Variants in ALOX5 observed in about 807,000 individuals in gnomAD.
ALOX5 encodes the protein arachidonate 5-lipoxygenase, also known as polyunsaturated fatty acid 5-lipoxygenase.
A neutral mutation model predicts 87.9 loss-of-function variants in ALOX5; 64 were observed. That is an observed-to-expected ratio of 0.73 (90% CI 0.60 to 0.90). The LOEUF is 0.90. Ranked by LOEUF, ALOX5 falls within the 40% of genes least tolerant of loss-of-function variation. The pLI is 0.00. For missense variants in ALOX5, 822 were observed against 907.5 expected (o/e 0.91, Z 1.21); for synonymous variants, 388 against 355.1 (o/e 1.09, Z -1.04).
At chr10:45,432,357 CT>C (rs1329099413) in intron 7 of ALOX5, among the ~76,000 whole-genome samples, 1 of 140,840 alleles carries the variant, frequency 7.1e-6, no homozygotes, top group Non-Finnish European at 1.5e-5. Context: ...AAGACCCTAT[CT>C]TTAAAAAAAA....
chr10:45,411,231 G>A (rs1841051845), intron 3 of ALOX5, among the ~76,000 whole-genome samples: 1 of 152,172 alleles, frequency 6.6e-6, no homozygotes, highest in African/African-American at 2.4e-5. Flanking sequence ...TCTTAGTTTT[G>A]TTGGGTTTTG....
chr10:45,406,910 C>T (rs1039983255), intron 3 of ALOX5, among the ~76,000 whole-genome samples: 1 of 152,114 alleles, frequency 6.6e-6, no homozygotes, highest in African/African-American at 2.4e-5. Context: ...ATGAACATCC[C>T]TCTCATATTT....
intron 3 of ALOX5, among the ~76,000 whole-genome samples, chr10:45,410,766 T>C (rs1841036582): frequency 6.6e-6 from 1 of 152,136 alleles, no homozygotes; most frequent in African/African-American, 2.4e-5. Flanking sequence ...TCATTCTCCC[T>C]CCCCAAAGAA....
chr10:45,433,528 G>A (rs577849770), intron 7 of ALOX5, among the ~76,000 whole-genome samples: 7 of 152,310 alleles, frequency 4.6e-5, no homozygotes, highest in East Asian at 1.9e-4. Context: ...TCTTAAGACC[G>A]GAACTCCCTG....
chr10:45,444,035 C>T, intron 12 of ALOX5, 81 bp from the exon 13 acceptor site: 1 of 1,468,064 alleles, frequency 6.8e-7, no homozygotes, highest in Non-Finnish European at 9.0e-7. Flanking sequence ...AGTTGGGGGG[C>T]ACGGGGAGGA....
In ALOX5 at chr10:45,425,379, AT is replaced by A. The variant is rs1263643875; in HGVS notation, c.834+248del. Among the ~76,000 whole-genome samples, 3 of 152,166 alleles carry A rather than the reference AT, an allele frequency of 2.0e-5. No individual in the cohort carries two copies. Among genetic ancestry groups the A allele is most frequent in the Admixed American group, 6.5e-5 (1 of 15,286 alleles). The stretch of plus-strand genomic sequence containing the variant: ...CATGATGCTCGAGTCTGGGAACATA[AT>A]GTCAATATTTTCACTATCAGTATCA... On this transcript the variant is annotated intron_variant, in intron 6 of 13. Transcript: ENST00000374391. The surrounding 1 kb of genome is among the most constrained non-coding windows in gnomAD (Gnocchi z 4.4).
In ALOX5 at chr10:45,418,836, G is replaced by A. The variant is rs375935930; in HGVS notation, c.555-5205G>A. 6.6e-5 allele frequency among the ~76,000 whole-genome samples: 10 copies of A among 152,248 alleles called. No individual in the cohort carries two copies. In the East Asian group the frequency reaches 9.6e-4, roughly 15 times the overall value. ...GTTTGCAGCCTGGAAGACGATTGCA[G>A]GGGGTGGCAGGGCTGAAAAGACAAT... On this transcript the variant is annotated intron_variant, in intron 4 of 13. Transcript: ENST00000374391.
Position 45,440,293 on chromosome 10 carries a change from C to T in ALOX5, c.982-137C>T, listed in dbSNP as rs1004801305. 4 of 917,768 alleles carry T rather than the reference C, an allele frequency of 4.4e-6. No individual in the cohort carries two copies. The African/African-American group carries it at 5.0e-5, about 11-fold the overall frequency. The allele number at this position is 917,768 out of a possible 1,614,324, so 56.9% of individuals were successfully genotyped here. On this transcript the variant is annotated intron_variant, in intron 7 of 13. Transcript: ENST00000374391. The stretch of plus-strand genomic sequence containing the variant: ...ATACCACCGCAGGGCCCTTTACCCC[C>T]TCCAGGCTCTTCTGATTCCAAAGTC...
intron 3 of ALOX5, among the ~76,000 whole-genome samples, chr10:45,408,585 C>T (rs182113637): frequency 2.1e-4 from 32 of 152,054 alleles, no homozygotes; most frequent in African/African-American, 7.0e-4. Context: ...AGAGTCTGTT[C>T]TAATGGGCTT....
chr10:45,375,339 T>A (rs77827771), intron 1 of ALOX5, among the ~76,000 whole-genome samples: 4,163 of 152,214 alleles, frequency 0.027, 210 homozygotes, highest in African/African-American at 0.095. Flanking sequence ...AGGTCGCAGT[T>A]CTCACTGAGC....
At chr10:45,407,053 T>C (rs540780844) in intron 3 of ALOX5, among the ~76,000 whole-genome samples, 16 of 152,338 alleles carry the variant, frequency 1.1e-4, no homozygotes, top group Admixed American at 1.0e-3. Flanking sequence ...CCTCAGAAGG[T>C]CCATGTGTAG....
At position 45,440,507 on chromosome 10, in the gene ALOX5, C is replaced by T; in HGVS notation, c.1059C>T (p.Ile353=). 1 of 1,614,260 alleles carries T rather than the reference C, an allele frequency of 6.2e-7. No homozygotes were observed. The highest frequency in any genetic ancestry group is 8.5e-7 in the Non-Finnish European group (1 of 1,180,044). The change falls in exon 8 of 14, where the codon ATC becomes ATT. Residue 353 remains isoleucine (I), a synonymous_variant. Coordinates refer to ENST00000374391, the MANE Select transcript of ALOX5 (RefSeq NM_000698.5). ...DAKYDWLLAK[I]WVRSSDFHVH... ...AATACGACTGGCTTTTGGCCAAAAT[C>T]TGGGTGCGTTCCAGTGACTTCCACG...
chr10:45,384,966 C>T (rs1839963527), intron 2 of ALOX5, among the ~76,000 whole-genome samples: 1 of 152,070 alleles, frequency 6.6e-6, no homozygotes, highest in Non-Finnish European at 1.5e-5. Context: ...CCTCAGCCTC[C>T]TAGGGAGCTT....
chr10:45,404,660 C>T (rs560446041), intron 3 of ALOX5, among the ~76,000 whole-genome samples: 2 of 152,330 alleles, frequency 1.3e-5, no homozygotes, highest in East Asian at 3.9e-4. Context: ...ATAACCCATG[C>T]GCTCGTCCGC....
intron 1 of ALOX5, among the ~76,000 whole-genome samples, chr10:45,375,651 A>G (rs911859856): frequency 6.6e-6 from 1 of 152,260 alleles, no homozygotes; most frequent in Non-Finnish European, 1.5e-5. Context: ...TAAAGTAAGT[A>G]AAAACTACTC....
chr10:45,405,235 A>G (rs952460031), intron 3 of ALOX5, among the ~76,000 whole-genome samples: 4 of 152,234 alleles, frequency 2.6e-5, no homozygotes, highest in African/African-American at 9.6e-5. Flanking sequence ...TTTCATCTTA[A>G]GAAATACCGA....
At position 45,382,611 on chromosome 10, in the gene ALOX5, G is replaced by T; in HGVS notation, c.279G>T (p.Gly93=). 1.2e-6 allele frequency: 2 copies of T among 1,614,128 alleles called. No individual in the cohort carries two copies. The highest frequency in any genetic ancestry group is 1.7e-6 in the Non-Finnish European group (2 of 1,180,040). ...ACATCACGCTGAAGACGCCCCACGGGGACTACATCGAGTTCCCCTGCTACC... is the reference window on the plus strand; with the variant it reads ...ACATCACGCTGAAGACGCCCCACGGTGACTACATCGAGTTCCCCTGCTACC... ...LKYITLKTPH[G]DYIEFPCYRW... The change falls in exon 2 of 14, where the codon GGG becomes GGT. Residue 93 remains glycine (G), a synonymous_variant. Coordinates refer to ENST00000374391, the MANE Select transcript of ALOX5 (RefSeq NM_000698.5).
At chr10:45,420,263 G>A (rs1242183589) in intron 4 of ALOX5, among the ~76,000 whole-genome samples, 1 of 152,142 alleles carries the variant, frequency 6.6e-6, no homozygotes, top group Admixed American at 6.5e-5. Flanking sequence ...AAATAAATTT[G>A]TTTGGAAAAT....
At chr10:45,390,910 T>C (rs190935713) in intron 2 of ALOX5, among the ~76,000 whole-genome samples, 81 of 152,158 alleles carry the variant, frequency 5.3e-4, no homozygotes, top group African/African-American at 1.7e-3. Context: ...GGAGCTGATT[T>C]TTTGAAAGGA....
Sources: allele counts gnomAD v4.1 joint callset (sites outside exome capture counted in the v4.1 genomes callset), GRCh38; gene constraint gnomAD v4.1.1; non-coding constraint Gnocchi (gnomAD v3.1); transcripts MANE v1.5; gene names NCBI Gene and HGNC (gene_info 2026-07-23, HGNC 2026-07-21).